CEP112: variants seen among roughly 807,000 people sequenced by gnomAD.
CEP112 encodes the protein centrosomal protein of 112 kDa.
A neutral mutation model predicts 153.0 loss-of-function variants in CEP112; 127 were observed. The ratio of observed to expected loss-of-function variants is 0.83; its 90% CI spans 0.72 to 0.96. CEP112 has a LOEUF of 0.96. Among genes scored for constraint, CEP112 ranks in the 40% least tolerant of loss-of-function variants. The pLI, the probability that CEP112 is intolerant of heterozygous loss-of-function variation, is 0.00. For missense variants in CEP112, 1,089 were observed against 1,101.2 expected (o/e 0.99, Z 0.16); for synonymous variants, 358 against 374.4 (o/e 0.96, Z 0.51).
At chr17:66,182,975 C>T (rs573798918) in intron 2 of CEP112, among the ~76,000 whole-genome samples, 3 of 152,212 alleles carry the variant, frequency 2.0e-5, no homozygotes, top group African/African-American at 7.2e-5. Flanking sequence ...ACATGTGAGA[C>T]GAGGCATCAC....
At position 65,647,903 on chromosome 17, in the gene CEP112, A is replaced by G. The variant is rs951299775; in HGVS notation, c.2698-6838T>C. 2.0e-5 allele frequency among the ~76,000 whole-genome samples: 3 copies of G among 152,252 alleles called. No individual in the cohort carries two copies. In the East Asian group the frequency reaches 5.8e-4, roughly 29 times the overall value. On this transcript the variant is annotated intron_variant, in intron 24 of 26. Transcript: ENST00000535342. ...ACTTGGAACTGCTTGACTATGAAACAATCTGGCCTTACAACAGACCATGAA... is the reference window on the plus strand; with the variant it reads ...ACTTGGAACTGCTTGACTATGAAACGATCTGGCCTTACAACAGACCATGAA...
intron 8 of CEP112, among the ~76,000 whole-genome samples, chr17:66,071,595 C>A (rs138061200): frequency 1.1e-4 from 17 of 152,240 alleles, no homozygotes; most frequent in African/African-American, 3.9e-4. Context: ...CCGGCCCTAC[C>A]TCATTATTTA....
At chr17:66,046,049 T>C (rs1320102648) in intron 12 of CEP112, among the ~76,000 whole-genome samples, 1 of 151,920 alleles carries the variant, frequency 6.6e-6, no homozygotes, top group Non-Finnish European at 1.5e-5. Context: ...TTTTTCTTTT[T>C]CTTTTTTTTT....
chr17:65,826,426 C>T (rs930081059), intron 21 of CEP112: 34 of 1,564,984 alleles, frequency 2.2e-5, no homozygotes, highest in African/African-American at 2.8e-5. Context: ...AGAAAGGTGA[C>T]TTGGGCCCAG....
At chr17:66,146,658 A>G (rs1426113708) in intron 4 of CEP112, among the ~76,000 whole-genome samples, 1 of 152,098 alleles carries the variant, frequency 6.6e-6, no homozygotes, top group Non-Finnish European at 1.5e-5. Context: ...CAGTCATTAA[A>G]CAATAACTCC....
At chr17:65,857,418 T>G (rs868485917) in intron 20 of CEP112, among the ~76,000 whole-genome samples, 7 of 152,316 alleles carry the variant, frequency 4.6e-5, no homozygotes, top group Non-Finnish European at 7.3e-5. Flanking sequence ...CCTAATCTTT[T>G]TGCTGGTGGA....
At chr17:65,852,430 CCT>C in intron 20 of CEP112, among the ~76,000 whole-genome samples, 1 of 28,794 alleles carries the variant, frequency 3.5e-5, no homozygotes, top group African/African-American at 9.5e-5. Context: ...TCCTTCCTTC[CCT>C]CCCTTTCCTT....
chr17:65,985,248 G>C (rs1290791298), intron 17 of CEP112, among the ~76,000 whole-genome samples: 15 of 152,152 alleles, frequency 9.9e-5, no homozygotes, highest in Admixed American at 9.8e-4. Context: ...CCCTGAATTA[G>C]ACTTCAAAAT....
At chr17:66,134,087 A>G (rs2070324685) in intron 4 of CEP112, among the ~76,000 whole-genome samples, 1 of 152,126 alleles carries the variant, frequency 6.6e-6, no homozygotes, top group South Asian at 2.1e-4. Flanking sequence ...AGGTAACCTG[A>G]TATGTCATAC....
intron 19 of CEP112, among the ~76,000 whole-genome samples, chr17:65,921,341 C>T (rs947024929): frequency 2.0e-5 from 3 of 151,906 alleles, no homozygotes; most frequent in African/African-American, 7.3e-5. Flanking sequence ...TACTGTATGC[C>T]TATCGTTTGT....
chr17:66,025,920 T>TACAC lies in CEP112; in HGVS notation c.1656+1577_1656+1580dup, dbSNP rs759825168. ...ATGACTGGATAAAGAAAATGTGGCA[T>TACAC]ACACACACACACACACACACACACA... On this transcript the variant is annotated intron_variant, in intron 16 of 26. Coordinates refer to ENST00000535342, the MANE Select transcript of CEP112 (RefSeq NM_001199165.4). 4.4e-3 allele frequency among the ~76,000 whole-genome samples: 550 copies of TACAC among 124,594 alleles called. 5 individuals are homozygous for TACAC. Among genetic ancestry groups the TACAC allele is most frequent in the African/African-American group, 8.0e-3 (266 of 33,150 alleles). 81.7% of individuals were successfully genotyped at this position (124,594 alleles called of 152,430 possible).
chr17:65,937,489 C>T (rs1249855832), intron 18 of CEP112, among the ~76,000 whole-genome samples: 1 of 123,362 alleles, frequency 8.1e-6, no homozygotes, highest in Non-Finnish European at 1.7e-5. Context: ...AGTGAGGAGA[C>T]CCTCTGCCTG....
chr17:66,056,850 A>G (rs1217280843), intron 11 of CEP112, among the ~76,000 whole-genome samples: 1 of 152,196 alleles, frequency 6.6e-6, no homozygotes, highest in Non-Finnish European at 1.5e-5. Context: ...AAAAAAACCA[A>G]TGAATTGTAT....
intron 19 of CEP112, among the ~76,000 whole-genome samples, chr17:65,919,519 T>C (rs990469672): frequency 6.6e-6 from 1 of 152,100 alleles, no homozygotes; most frequent in South Asian, 2.1e-4. Context: ...ACTGAGAAAG[T>C]AGGCAAGAGT....
intron 21 of CEP112, among the ~76,000 whole-genome samples, chr17:65,801,020 G>C (rs1327285002): frequency 2.0e-5 from 3 of 152,060 alleles, no homozygotes; most frequent in Non-Finnish European, 4.4e-5. Context: ...GTTTTTATCA[G>C]CTGGATGATT....
intron 20 of CEP112, among the ~76,000 whole-genome samples, chr17:65,869,100 A>G (rs1408358716): frequency 6.6e-6 from 1 of 152,312 alleles, no homozygotes; most frequent in East Asian, 1.9e-4. Context: ...CACATTTTCT[A>G]TTTTTAACCT....
At chr17:65,958,204 T>C (rs749442318) in intron 18 of CEP112, among the ~76,000 whole-genome samples, 1 of 152,208 alleles carries the variant, frequency 6.6e-6, no homozygotes, top group Non-Finnish European at 1.5e-5. Flanking sequence ...CATGTATTCA[T>C]ACAAATTTTT....
At chr17:65,843,031 A>C (rs936585314) in intron 21 of CEP112, among the ~76,000 whole-genome samples, 1 of 152,184 alleles carries the variant, frequency 6.6e-6, no homozygotes, top group African/African-American at 2.4e-5. Flanking sequence ...TGAAATAAAA[A>C]AATTATCCTA....
At chr17:65,661,293 G>C (rs538047186) in intron 24 of CEP112, among the ~76,000 whole-genome samples, 1 of 152,072 alleles carries the variant, frequency 6.6e-6, no homozygotes, top group Non-Finnish European at 1.5e-5. Flanking sequence ...CCACTAAAAT[G>C]CCTTGGTATT....
Sources: allele counts gnomAD v4.1 joint callset (sites outside exome capture counted in the v4.1 genomes callset), GRCh38; gene constraint gnomAD v4.1.1; transcripts MANE v1.5; gene names NCBI Gene and HGNC (gene_info 2026-07-23, HGNC 2026-07-21).